CD274: variants seen among roughly 807,000 people sequenced by gnomAD.
CD274 encodes the protein programmed cell death 1 ligand 1.
In CD274, 8 loss-of-function variants were observed where a neutral mutation model predicts 30.1. That is an observed-to-expected ratio of 0.27 (90% CI 0.16 to 0.48). CD274 has a LOEUF of 0.48. Ranked by LOEUF, CD274 falls within the 20% of genes least tolerant of loss-of-function variation. CD274 has a pLI of 0.99. For missense variants in CD274, 353 were observed against 346.6 expected, an observed-to-expected ratio of 1.02 and a Z score of -0.15; for synonymous variants, 152 against 124.6, an observed-to-expected ratio of 1.22 and a Z score of -1.46.
rs1819521694 is a variant in CD274, at chr9:5,467,820, A to G, written c.851-20A>G. The G allele has an allele frequency of 1.3e-6, 2 of 1,597,126 alleles. No homozygotes were observed. The highest frequency in any genetic ancestry group is 1.1e-5 in the South Asian group (1 of 90,678). On this transcript the variant is annotated intron_variant, in intron 6 of 6. Transcript: ENST00000381577. ...CCAGACCACTTCCCATGAAATTAAT[A>G]TACTATTATCACTCTCCAGATACAC...
intron 1 of CD274, among the ~76,000 whole-genome samples, chr9:5,451,771 G>T (rs977113482): frequency 2.0e-5 from 3 of 152,204 alleles, no homozygotes; most frequent in Non-Finnish European, 4.4e-5. Flanking sequence ...GGGTTTCATG[G>T]AGTTTAATAA....
At chr9:5,458,109 A>T (rs1819340093) in intron 3 of CD274, among the ~76,000 whole-genome samples, 1 of 152,204 alleles carries the variant, frequency 6.6e-6, no homozygotes, top group Non-Finnish European at 1.5e-5. Flanking sequence ...TTGAAAAGGA[A>T]CTAGGAGTGT....
chr9:5,462,498 G>A (rs1819421764), intron 3 of CD274, among the ~76,000 whole-genome samples: 1 of 152,164 alleles, frequency 6.6e-6, no homozygotes, highest in Non-Finnish European at 1.5e-5. Flanking sequence ...AATTTAAGGG[G>A]TACAAGAGCA....
chr9:5,461,246 G>T (rs892119165), intron 3 of CD274, among the ~76,000 whole-genome samples: 10 of 152,070 alleles, frequency 6.6e-5, no homozygotes, highest in East Asian at 3.8e-4. Context: ...TTTCCTCTGG[G>T]TTGTGCTTGA....
In CD274 at chr9:5,462,922, C is replaced by T. The variant is rs773568050; in HGVS notation, c.483C>T (p.Pro161=). The change falls in exon 4 of 7, where the codon CCC becomes CCT. Residue 161 remains proline, a synonymous_variant. Transcript: ENST00000381577. ...HELTCQAEGY[P]KAEVIWTSSD... is the part of the protein sequence containing the mutation. ...TGACATGTCAGGCTGAGGGCTACCC[C>T]AAGGCCGAAGTCATCTGGACAAGCA... 4.3e-6 allele frequency: 7 copies of T among 1,613,944 alleles called. No individual in the cohort carries two copies. The highest frequency in any genetic ancestry group is 1.7e-5 in the Admixed American group (1 of 59,976).
intron 1 of CD274, among the ~76,000 whole-genome samples, chr9:5,454,640 T>C (rs1819267608): frequency 8.1e-6 from 1 of 123,592 alleles, no homozygotes; most frequent in African/African-American, 4.0e-5. Context: ...TATATATATA[T>C]ATGTGTGTGT....
In CD274 at chr9:5,469,078, A is replaced by C. The variant is rs752723892; in HGVS notation, c.*1216A>C. On this transcript the variant is annotated 3_prime_UTR_variant, in exon 7 of 7. Transcript: ENST00000381577. ...TGTTGCCAAGAGGAGGAAATAGGCCAATGTGGTCTGGGACGGTTGGATATA... is the reference window on the plus strand; with the variant it reads ...TGTTGCCAAGAGGAGGAAATAGGCCCATGTGGTCTGGGACGGTTGGATATA... 6.0e-5 allele frequency: 14 copies of C among 233,014 alleles called. No homozygotes were observed. The highest frequency in any genetic ancestry group is 1.1e-4 in the Non-Finnish European group (13 of 117,950). 14.4% of individuals were successfully genotyped at this position (233,014 alleles called of 1,614,324 possible).
At chr9:5,459,684 T>G (rs965544104) in intron 3 of CD274, among the ~76,000 whole-genome samples, 2 of 152,224 alleles carry the variant, frequency 1.3e-5, no homozygotes, top group Non-Finnish European at 2.9e-5. Context: ...TTTGTGAGTT[T>G]AAATGCCAGA....
chr9:5,460,736 T>G (rs1819389563), intron 3 of CD274, among the ~76,000 whole-genome samples: 1 of 152,176 alleles, frequency 6.6e-6, no homozygotes, highest in African/African-American at 2.4e-5. Context: ...ATCATGACCT[T>G]TTCTTGGTTT....
At chr9:5,451,162 G>A (rs1236383813) in intron 1 of CD274, among the ~76,000 whole-genome samples, 13 of 152,116 alleles carry the variant, frequency 8.5e-5, no homozygotes, top group Admixed American at 8.5e-4. Context: ...CATTGACCTT[G>A]GCCTATGTCA....
rs2131213009 is a variant in CD274 at position 5,457,414 on chromosome 9, G to A, written c.388G>A (p.Val130Ile). Residue 130 changes from valine to isoleucine, a missense_variant, in exon 3 of 7, where the codon GTC becomes ATC. Coordinates refer to ENST00000381577, the MANE Select transcript of CD274 (RefSeq NM_014143.4). ...CGACTACAAGCGAATTACTGTGAAA[G>A]TCAATGGTAAGAATTATTATAGATG... ...GADYKRITVK[V>I]NAPYNKINQR... is the part of the protein sequence containing the mutation. The A allele has an allele frequency of 6.2e-7, 1 of 1,611,810 alleles. No individual in the cohort carries two copies. The highest frequency in any genetic ancestry group is 1.1e-5 in the South Asian group (1 of 91,042).
intron 3 of CD274, among the ~76,000 whole-genome samples, chr9:5,459,540 C>T (rs1819366855): frequency 6.6e-6 from 1 of 152,158 alleles, no homozygotes; most frequent in South Asian, 2.1e-4. Flanking sequence ...TGTGTGGTAA[C>T]ATAGCTTCCC....
At chr9:5,462,725 C>T in intron 3 of CD274, 109 bp from the exon 4 acceptor site, 3 of 1,013,030 alleles carry the variant, frequency 3.0e-6, no homozygotes, top group Non-Finnish European at 4.4e-6. Context: ...AAGCATATCC[C>T]TCTGAGAACC....
rs752325108 is a variant in CD274, at chr9:5,463,062, A to G, written c.623A>G (p.Tyr208Cys). The G allele has an allele frequency of 1.2e-6, 2 of 1,613,874 alleles. No homozygotes were observed. Among genetic ancestry groups the G allele is most frequent in the East Asian group, 2.2e-5 (1 of 44,890 alleles). ...AACACAACAACTAATGAGATTTTCT[A>G]CTGCACTTTTAGGAGATTAGATCCT... ...RINTTTNEIF[Y>C]CTFRRLDPEE... Residue 208 changes from tyrosine (Y) to cysteine (C), a missense_variant, in exon 4 of 7, where the codon TAC (tyrosine) becomes TGC (cysteine). By Grantham distance (194) the Tyr-to-Cys change is radical. Coordinates refer to ENST00000381577, the MANE Select transcript of CD274 (RefSeq NM_014143.4).
chr9:5,462,234 A>G (rs1366298780), intron 3 of CD274, among the ~76,000 whole-genome samples: 1 of 152,220 alleles, frequency 6.6e-6, no homozygotes, highest in Non-Finnish European at 1.5e-5. Context: ...TTCAAATCAG[A>G]AAAGTGAATG....
chr9:5,455,797 A>G (rs887579150), intron 1 of CD274, among the ~76,000 whole-genome samples: 1 of 152,094 alleles, frequency 6.6e-6, no homozygotes, highest in Non-Finnish European at 1.5e-5. Context: ...ATTGAGAGGA[A>G]TTTGGTGCAA....
chr9:5,451,823 A>G (rs550698007), intron 1 of CD274, among the ~76,000 whole-genome samples: 2 of 152,204 alleles, frequency 1.3e-5, no homozygotes, highest in South Asian at 4.2e-4. Flanking sequence ...CAACTGTCTT[A>G]ATCTTTGATC....
rs1294495277 is a variant in CD274, at chr9:5,469,012, T to C, written c.*1150T>C. On this transcript the variant is annotated 3_prime_UTR_variant, in exon 7 of 7. Transcript: ENST00000381577. Reference sequence around the variant, plus strand: ...AATGTATTATTACAATTTAGTCCAGTGTCATAGCATAAGGATGATGCGAGG... The same window carrying C: ...AATGTATTATTACAATTTAGTCCAGCGTCATAGCATAAGGATGATGCGAGG... The C allele has an allele frequency of 1.3e-5, 3 of 232,970 alleles. No individual in the cohort carries two copies. The highest frequency in any genetic ancestry group is 4.4e-5 in the African/African-American group (2 of 45,310). 14.4% of individuals were successfully genotyped at this position (232,970 alleles called of 1,614,324 possible).
At position 5,451,979 on chromosome 9, in the gene CD274, C is replaced by T. The variant is rs575130671; in HGVS notation, c.-15+1383C>T. 4.0e-5 allele frequency among the ~76,000 whole-genome samples: 6 copies of T among 151,744 alleles called. No individual in the cohort carries two copies. In the South Asian group the frequency reaches 1.2e-3, roughly 32 times the overall value. ...TACTGGCGGGAGCCACCATGCAGGC[C>T]TCTTGCTCCTACTTTTGAGAAAGGA... On this transcript the variant is annotated intron_variant, in intron 1 of 6. Coordinates refer to ENST00000381577, the MANE Select transcript of CD274 (RefSeq NM_014143.4).
Sources: allele counts gnomAD v4.1 joint callset (sites outside exome capture counted in the v4.1 genomes callset), GRCh38; gene constraint gnomAD v4.1.1; transcripts MANE v1.5; gene names NCBI Gene and HGNC (gene_info 2026-07-23, HGNC 2026-07-21).